Variants in RBMS1 observed in about 807,000 individuals in gnomAD.
RBMS1 encodes the protein RNA binding motif single stranded interacting protein 1, also known as RNA-binding motif, single-stranded-interacting protein 1.
Under a neutral mutation model 62.3 loss-of-function variants are expected in RBMS1, and 17 were observed. The observed-to-expected ratio is 0.27, with a 90% CI of 0.19 to 0.41. The LOEUF (loss-of-function observed/expected upper bound fraction) is 0.41, where lower values mean the gene tolerates loss of function less well. RBMS1 is among the 10% of genes least tolerant of loss of function. The pLI is 1.00. For synonymous variants in RBMS1, 172 were observed against 170.0 expected (o/e 1.01, Z -0.09); for missense variants, 334 against 504.5 (o/e 0.66, Z 3.24).
intron 1 of RBMS1, among the ~76,000 whole-genome samples, chr2:160,382,189 A>G (rs1449913969): frequency 6.6e-6 from 1 of 152,200 alleles, no homozygotes; most frequent in African/African-American, 2.4e-5. Flanking sequence ...TCCAGCGTAT[A>G]AGGAGGTGGG....
intron 2 of RBMS1, among the ~76,000 whole-genome samples, chr2:160,360,157 A>G (rs1321782005): frequency 6.6e-6 from 1 of 152,140 alleles, no homozygotes; most frequent in Non-Finnish European, 1.5e-5. Flanking sequence ...ATTGGGCCCT[A>G]TTTGTAGATA....
chr2:160,404,271 T>C (rs898668840), intron 1 of RBMS1, among the ~76,000 whole-genome samples: 40 of 152,280 alleles, frequency 2.6e-4, no homozygotes, highest in Admixed American at 1.9e-3. Flanking sequence ...AAAATCCTGT[T>C]GATCCCAGAT....
At chr2:160,367,719 C>T (rs6722321) in intron 1 of RBMS1, among the ~76,000 whole-genome samples, 97,903 of 152,042 alleles carry the variant, frequency 0.64, 32,496 homozygotes, top group East Asian at 0.79. Flanking sequence ...CATCTTAATA[C>T]ACAGTAATTT....
chr2:160,484,749 T>C (rs925431200), intron 1 of RBMS1, among the ~76,000 whole-genome samples: 1 of 151,074 alleles, frequency 6.6e-6, no homozygotes, highest in Non-Finnish European at 1.5e-5. Flanking sequence ...CGGGCGCCTG[T>C]AGTCCCAGCT....
At chr2:160,489,512 A>C (rs933169676) in intron 1 of RBMS1, among the ~76,000 whole-genome samples, 4 of 152,168 alleles carry the variant, frequency 2.6e-5, no homozygotes, top group Non-Finnish European at 5.9e-5. Context: ...GGCTAGAAGT[A>C]AGTAAGAGTT....
At chr2:160,340,426 C>T (rs930095391) in intron 2 of RBMS1, among the ~76,000 whole-genome samples, 4 of 152,040 alleles carry the variant, frequency 2.6e-5, no homozygotes, top group Admixed American at 6.6e-5. Context: ...CACTAGCTTT[C>T]GGTTCTCCAA....
rs1692306037 is a variant in RBMS1 at position 160,348,442 on chromosome 2, G to C, written c.251+18774C>G. On this transcript the variant is annotated intron_variant, in intron 2 of 13. Transcript: ENST00000348849. ...CCTGTCTTGTTTTAGAAAGGACTTAGGGTAGCTTACAAAGAGACATACCCT... is the reference window on the plus strand; with the variant it reads ...CCTGTCTTGTTTTAGAAAGGACTTACGGTAGCTTACAAAGAGACATACCCT... 2.6e-5 allele frequency among the ~76,000 whole-genome samples: 4 copies of C among 151,914 alleles called. No individual in the cohort carries two copies. In the South Asian group the frequency reaches 6.2e-4, roughly 24 times the overall value.
At chr2:160,337,135 C>CTTTTTTTTT (rs768216149) in intron 2 of RBMS1, among the ~76,000 whole-genome samples, 1 of 136,400 alleles carries the variant, frequency 7.3e-6, no homozygotes, top group African/African-American at 2.7e-5. Context: ...TTTTTCTTTT[C>CTTTTTTTTT]TTTTTTTTTT....
At chr2:160,443,443 T>C (rs867982851) in intron 1 of RBMS1, among the ~76,000 whole-genome samples, 1 of 152,124 alleles carries the variant, frequency 6.6e-6, no homozygotes, top group Non-Finnish European at 1.5e-5. Flanking sequence ...TGGGAGGTGT[T>C]TGGATCGTGG....
At chr2:160,451,652 A>G (rs2105319941) in intron 1 of RBMS1, among the ~76,000 whole-genome samples, 1 of 152,244 alleles carries the variant, frequency 6.6e-6, no homozygotes, top group East Asian at 1.9e-4. Flanking sequence ...TCTGTCAGTC[A>G]GGCTGGAGTG....
intron 3 of RBMS1, among the ~76,000 whole-genome samples, chr2:160,315,300 T>G (rs1478588050): frequency 6.6e-6 from 1 of 152,216 alleles, no homozygotes; most frequent in Non-Finnish European, 1.5e-5. Context: ...TGTCTATCTG[T>G]ATTACTTTCA....
intron 1 of RBMS1, among the ~76,000 whole-genome samples, chr2:160,438,338 T>C (rs978223139): frequency 5.3e-5 from 8 of 149,640 alleles, no homozygotes; most frequent in African/African-American, 2.0e-4. Context: ...AGGACAATAG[T>C]GGAGGGAAGG....
intron 2 of RBMS1, among the ~76,000 whole-genome samples, chr2:160,338,116 A>T (rs1056580052): frequency 6.6e-6 from 1 of 152,168 alleles, no homozygotes; most frequent in African/African-American, 2.4e-5. Flanking sequence ...TACCATCCTT[A>T]TTAAATACTG....
chr2:160,474,929 C>T (rs1459963515), intron 1 of RBMS1, among the ~76,000 whole-genome samples: 1 of 152,174 alleles, frequency 6.6e-6, no homozygotes, highest in Admixed American at 6.5e-5. Flanking sequence ...TAATCTTTCA[C>T]ATTCTTGTTG....
intron 6 of RBMS1, among the ~76,000 whole-genome samples, chr2:160,292,091 TG>T (rs1688708937): frequency 1.3e-5 from 2 of 152,222 alleles, no homozygotes; most frequent in South Asian, 4.1e-4. Flanking sequence ...AACATCTGTG[TG>T]TGGATCTTAA....
chr2:160,378,442 A>T (rs1694111183), intron 1 of RBMS1, among the ~76,000 whole-genome samples: 1 of 151,996 alleles, frequency 6.6e-6, no homozygotes, highest in Non-Finnish European at 1.5e-5. Context: ...GCAAAATCCC[A>T]TTTATACAAA....
rs1352139957 is a variant in RBMS1, at chr2:160,357,169, G to A, written c.251+10047C>T. On this transcript the variant is annotated intron_variant, in intron 2 of 13. Transcript: ENST00000348849. ...ATCCAAGGCTCATATAAAGGAACAA[G>A]GAAAGGATGTAAATACTATCTTCAA... Among the ~76,000 whole-genome samples, 5 of 152,080 alleles carry A rather than the reference G, an allele frequency of 3.3e-5. No homozygotes were observed. In the East Asian group the frequency reaches 9.6e-4, roughly 29 times the overall value.
At chr2:160,347,190 C>T (rs904492493) in intron 2 of RBMS1, among the ~76,000 whole-genome samples, 2 of 151,768 alleles carry the variant, frequency 1.3e-5, no homozygotes, top group African/African-American at 4.8e-5. Context: ...CACTAAGGGC[C>T]GGCAATTAAT....
chr2:160,467,738 A>C (rs2105340073), intron 1 of RBMS1, among the ~76,000 whole-genome samples: 1 of 152,326 alleles, frequency 6.6e-6, no homozygotes, highest in South Asian at 2.1e-4. Context: ...AAATTTTTTA[A>C]ATGTTCCAAA....
Sources: allele counts gnomAD v4.1 joint callset (sites outside exome capture counted in the v4.1 genomes callset), GRCh38; gene constraint gnomAD v4.1.1; transcripts MANE v1.5; gene names NCBI Gene and HGNC (gene_info 2026-07-23, HGNC 2026-07-21).